The following SMARCAD1 variants were observed in gnomAD, a reference collection of about 807,000 sequenced individuals.
The protein encoded by SMARCAD1 is SNF2 related chromatin remodeling ATPase with DExD box 1, also known as SWI/SNF-related matrix-associated actin-dependent regulator of chromatin subfamily A containing DEAD/H box 1.
In SMARCAD1, 25 loss-of-function variants were observed where a neutral mutation model predicts 127.1. That is an observed-to-expected ratio of 0.20 (90% CI 0.14 to 0.27). SMARCAD1 has a LOEUF of 0.27. Among genes scored for constraint, SMARCAD1 ranks in the 10% least tolerant of loss-of-function variants. The pLI is 1.00. For missense variants in SMARCAD1, 807 were observed against 1,206.0 expected (o/e 0.67, Z 4.90); for synonymous variants, 400 against 396.9 (o/e 1.01, Z -0.09).
In SMARCAD1 at chr4:94,208,516, A is replaced by T. The variant is rs1437639754; in HGVS notation, c.122A>T (p.Glu41Val). 6.2e-7 allele frequency: 1 copy of T among 1,614,182 alleles called. No homozygotes were observed. The highest frequency in any genetic ancestry group is 8.5e-7 in the Non-Finnish European group (1 of 1,180,038). ...TCTTCACCAATTTCTCTTAGTGCTG[A>T]AGAGGAGAATGCTGAAGGGGAAGTT... ...GPSSPISLSA[E>V]EENAEGEVSR... The change falls in exon 2 of 24, where the codon GAA becomes GTA. Residue 41 changes from glutamate to valine, a missense_variant. Physicochemically the swap from Glu to Val is moderately radical, Grantham distance 121. Transcript: ENST00000354268.
intron 14 of SMARCAD1, among the ~76,000 whole-genome samples, chr4:94,275,801 T>TTTTATTTTA (rs1279696770): frequency 1.8e-5 from 1 of 56,746 alleles, no homozygotes; most frequent in African/African-American, 4.9e-5. Context: ...ATTTTCTTTT[T>TTTTATTTTA]TTTTTTTTTT....
chr4:94,276,997 A>T (rs762232273), intron 15 of SMARCAD1, 25 bp from the exon 16 acceptor site: 3 of 1,613,746 alleles, frequency 1.9e-6, no homozygotes, highest in Non-Finnish European at 2.5e-6. Flanking sequence ...GAAAAAGCTA[A>T]TATAAATTTT....
intron 9 of SMARCAD1, chr4:94,253,241 A>G: frequency 6.7e-7 from 1 of 1,495,822 alleles, no homozygotes; most frequent in Non-Finnish European, 8.9e-7. Context: ...ATTGGCTGGG[A>G]ATACTGTCAC....
chr4:94,261,056 C>T (rs754898168), intron 9 of SMARCAD1, among the ~76,000 whole-genome samples: 1 of 151,348 alleles, frequency 6.6e-6, no homozygotes, highest in Admixed American at 6.6e-5. Context: ...CAGATTAGAT[C>T]ACAATATGCT....
intron 10 of SMARCAD1, 146 bp downstream of exon 10, chr4:94,265,052 C>T (rs1751529585): frequency 1.4e-6 from 1 of 706,012 alleles, no homozygotes; most frequent in Non-Finnish European, 2.4e-6. Context: ...CATAAGTGGA[C>T]TATGAACTGT....
At chr4:94,223,217 G>A (rs1452810203) in intron 2 of SMARCAD1, among the ~76,000 whole-genome samples, 10 of 152,014 alleles carry the variant, frequency 6.6e-5, no homozygotes, top group Admixed American at 1.3e-4. Context: ...AAAGAGGGCC[G>A]GGCGTGGTAG....
At chr4:94,273,121 C>T (rs188561571) in intron 11 of SMARCAD1, among the ~76,000 whole-genome samples, 24 of 152,284 alleles carry the variant, frequency 1.6e-4, no homozygotes, top group African/African-American at 5.3e-4. Flanking sequence ...AGGTTATTTC[C>T]AGTGTTTGGC....
intron 2 of SMARCAD1, among the ~76,000 whole-genome samples, chr4:94,224,340 G>C (rs1744671713): frequency 6.6e-6 from 1 of 152,182 alleles, no homozygotes; most frequent in African/African-American, 2.4e-5. Context: ...TGTTGTTACA[G>C]GTTGAGTATC....
chr4:94,235,496 CTA>C (rs76926347), intron 4 of SMARCAD1, among the ~76,000 whole-genome samples: 2,973 of 146,674 alleles, frequency 0.02, 53 homozygotes, highest in South Asian at 0.043. Context: ...TATTTTTAAT[CTA>C]TGTTATTTTT....
chr4:94,279,625 G>C (rs1270864533), intron 19 of SMARCAD1, among the ~76,000 whole-genome samples: 1 of 152,066 alleles, frequency 6.6e-6, no homozygotes, highest in Non-Finnish European at 1.5e-5. Context: ...CTCACTACAG[G>C]GGCAGAGTTG....
intron 5 of SMARCAD1, among the ~76,000 whole-genome samples, chr4:94,237,687 G>T (rs941899544): frequency 1.3e-5 from 2 of 151,886 alleles, no homozygotes; most frequent in African/African-American, 2.4e-5. Flanking sequence ...AAATATATTG[G>T]TTTACATCTT....
At chr4:94,230,050 T>TA (rs1745599461) in intron 3 of SMARCAD1, among the ~76,000 whole-genome samples, 1 of 152,170 alleles carries the variant, frequency 6.6e-6, no homozygotes, top group Admixed American at 6.5e-5. Flanking sequence ...TTAATTAATT[T>TA]AAATGTTTTG....
intron 3 of SMARCAD1, among the ~76,000 whole-genome samples, chr4:94,229,804 T>G (rs1039459043): frequency 2.7e-5 from 4 of 150,020 alleles, no homozygotes; most frequent in South Asian, 2.1e-4. Context: ...GTGTGGTGTT[T>G]TTTTTTTTTT....
intron 2 of SMARCAD1, among the ~76,000 whole-genome samples, chr4:94,219,965 A>G (rs1743838863): frequency 6.6e-6 from 1 of 152,198 alleles, no homozygotes; most frequent in South Asian, 2.1e-4. Context: ...TTTTCTTTAT[A>G]ACTGTTTCTG....
Position 94,209,448 on chromosome 4 carries a change from A to G in SMARCAD1, c.190+864A>G, listed in dbSNP as rs111612865. Among the ~76,000 whole-genome samples, 1,404 of 152,312 alleles carry G rather than the reference A, an allele frequency of 9.2e-3. 16 individuals carry two copies. The highest frequency in any genetic ancestry group is 0.031 in the African/African-American group (1,307 of 41,566). ...TTAGTTTCTTAGGAAAGGTGAAAGG[A>G]ATGTTGGAAGTTATATTTTAATATT... is the stretch of plus-strand genomic sequence containing the variant. On this transcript the variant is annotated intron_variant, in intron 2 of 23. Transcript: ENST00000354268.
At chr4:94,248,250 T>A (rs188304603) in intron 6 of SMARCAD1, among the ~76,000 whole-genome samples, 2 of 152,224 alleles carry the variant, frequency 1.3e-5, no homozygotes. Flanking sequence ...CATGTTGTGG[T>A]GTGTATCAGT....
intron 4 of SMARCAD1, among the ~76,000 whole-genome samples, chr4:94,235,715 A>G (rs1173876792): frequency 2.6e-5 from 4 of 151,778 alleles, no homozygotes; most frequent in African/African-American, 9.7e-5. Flanking sequence ...TAATAAGGAA[A>G]GAGCTTCTAA....
chr4:94,267,508 ATT>A (rs1751912633), intron 10 of SMARCAD1, among the ~76,000 whole-genome samples: 6 of 152,152 alleles, frequency 3.9e-5, no homozygotes, highest in African/African-American at 1.4e-4. Context: ...TGTTGTTTCT[ATT>A]TTACGCCTTT....
intron 6 of SMARCAD1, among the ~76,000 whole-genome samples, chr4:94,247,440 A>G (rs1748609076): frequency 6.6e-6 from 1 of 152,198 alleles, no homozygotes; most frequent in Admixed American, 6.5e-5. Context: ...AGAGCAAACA[A>G]CACATGATAG....
Sources: gnomAD v4.1 joint callset for allele counts (sites outside exome capture counted in the v4.1 genomes callset) on GRCh38, gnomAD v4.1.1 for gene constraint, MANE v1.5 for transcripts, NCBI Gene and HGNC (gene_info 2026-07-23, HGNC 2026-07-21) for gene names.